Variants in TUSC3 observed in about 807,000 individuals in gnomAD.
TUSC3 encodes the protein dolichyl-diphosphooligosaccharide--protein glycosyltransferase subunit TUSC3.
TUSC3 carries 45 observed loss-of-function variants against 44.8 expected under a neutral mutation model. The observed-to-expected ratio is 1.00, with a 90% CI of 0.79 to 1.29. The LOEUF (loss-of-function observed/expected upper bound fraction) is 1.29, where lower values mean the gene tolerates loss of function less well. TUSC3 is among the 50% of genes most tolerant of loss of function. The pLI is 0.00. For synonymous variants in TUSC3, 212 were observed against 152.9 expected, an observed-to-expected ratio of 1.39 and a Z score of -2.85; for missense variants, 519 against 437.9, an observed-to-expected ratio of 1.19 and a Z score of -1.65.
chr8:15,458,310 C>T (rs915603655), intron 1 of TUSC3, among the ~76,000 whole-genome samples: 3 of 152,166 alleles, frequency 2.0e-5, no homozygotes, highest in African/African-American at 7.2e-5. Flanking sequence ...GTGCTCACAG[C>T]TCACTGCACC....
rs531912898 is a variant in TUSC3 at position 15,651,648 on chromosome 8, C to T, written c.426+834C>T. Among the ~76,000 whole-genome samples, 21 of 152,258 alleles carry T rather than the reference C, an allele frequency of 1.4e-4. No individual in the cohort carries two copies. The South Asian group carries it at 2.1e-3, about 15-fold the overall frequency. ...ACAGGCCAGGAAGAGGAGCCTCACC[C>T]GAAACCAACTCTGCCGGCACCTTCC... On this transcript the variant is annotated intron_variant, in intron 3 of 10. Coordinates refer to ENST00000503731, the MANE Select transcript of TUSC3 (RefSeq NM_006765.4).
chr8:15,797,680 C>G, the TUSC3 span, among the ~76,000 whole-genome samples: 1 of 152,174 alleles, frequency 6.6e-6, no homozygotes, highest in Non-Finnish European at 1.5e-5. Flanking sequence ...TCGGGGAGTA[C>G]AGCAACCATA....
intron 2 of TUSC3, among the ~76,000 whole-genome samples, chr8:15,506,813 A>C (rs550119426): frequency 1.3e-5 from 2 of 152,288 alleles, no homozygotes; most frequent in Non-Finnish European, 2.9e-5. Context: ...GTCAAACCAA[A>C]TCACAGCCAT....
At chr8:15,434,546 T>A (rs867927245) in intron 1 of TUSC3, among the ~76,000 whole-genome samples, 1,269 of 126,010 alleles carry the variant, frequency 0.01, 20 homozygotes, top group African/African-American at 0.032. Flanking sequence ...TTTTTTTTTT[T>A]ATACTTTAAG....
intron 2 of TUSC3, among the ~76,000 whole-genome samples, chr8:15,531,229 A>T (rs1801444561): frequency 6.6e-6 from 1 of 152,132 alleles, no homozygotes; most frequent in Non-Finnish European, 1.5e-5. Flanking sequence ...TCCCAGGTGT[A>T]CTTTCCTTTG....
intron 1 of TUSC3, among the ~76,000 whole-genome samples, chr8:15,549,855 G>A (rs571090925): frequency 6.6e-6 from 1 of 151,712 alleles, no homozygotes; most frequent in South Asian, 2.1e-4. Context: ...AGGACGAGCC[G>A]CAGACAAGAA....
At chr8:15,840,728 C>A in the TUSC3 span, among the ~76,000 whole-genome samples, 1 of 152,162 alleles carries the variant, frequency 6.6e-6, no homozygotes, top group South Asian at 2.1e-4. Context: ...AGAGAAAATT[C>A]CATTGTGCTT....
chr8:15,435,722 A>G (rs1585787912), intron 1 of TUSC3, among the ~76,000 whole-genome samples: 2 of 152,340 alleles, frequency 1.3e-5, no homozygotes, highest in Admixed American at 1.3e-4. Context: ...ATATAAAGTG[A>G]GAAATAAGGA....
intron 6 of TUSC3, among the ~76,000 whole-genome samples, chr8:15,709,097 G>C (rs1809731407): frequency 1.3e-5 from 2 of 151,870 alleles, no homozygotes; most frequent in Admixed American, 1.3e-4. Flanking sequence ...GTACAGGAAA[G>C]ATAGCCTGAC....
intron 6 of TUSC3, among the ~76,000 whole-genome samples, chr8:15,692,260 A>G (rs1321317114): frequency 6.6e-6 from 1 of 151,634 alleles, no homozygotes; most frequent in African/African-American, 2.4e-5. Flanking sequence ...CCATGTTCAT[A>G]AAAAAATATT....
intron 6 of TUSC3, among the ~76,000 whole-genome samples, chr8:15,674,621 A>C (rs1808101044): frequency 6.6e-6 from 1 of 151,836 alleles, no homozygotes; most frequent in Non-Finnish European, 1.5e-5. Context: ...CCACCTGCTA[A>C]TAATAAAATA....
intron 3 of TUSC3, among the ~76,000 whole-genome samples, chr8:15,659,273 T>G (rs1041823154): frequency 6.6e-6 from 1 of 152,094 alleles, no homozygotes; most frequent in African/African-American, 2.4e-5. Flanking sequence ...ACATAATGCA[T>G]AATTTGAATG....
At chr8:15,483,161 T>C (rs1208169385) in intron 1 of TUSC3, among the ~76,000 whole-genome samples, 4 of 152,214 alleles carry the variant, frequency 2.6e-5, no homozygotes, top group African/African-American at 9.6e-5. Flanking sequence ...CTCTTTTAAG[T>C]TAAATTCTAT....
chr8:15,770,204 A>C (rs1025214600), downstream of TUSC3, among the ~76,000 whole-genome samples: 1 of 152,326 alleles, frequency 6.6e-6, no homozygotes, highest in Middle Eastern at 3.4e-3. Context: ...AATGTGGCAC[A>C]TATGCACCAT....
At chr8:15,700,923 G>A (rs962300863) in intron 6 of TUSC3, among the ~76,000 whole-genome samples, 1 of 138,060 alleles carries the variant, frequency 7.2e-6, no homozygotes, top group Admixed American at 7.7e-5. Flanking sequence ...TCCAGTCCAG[G>A]ATATGTGAAG....
At chr8:15,706,555 A>G (rs1031839503) in intron 6 of TUSC3, among the ~76,000 whole-genome samples, 11 of 152,080 alleles carry the variant, frequency 7.2e-5, no homozygotes, top group African/African-American at 2.2e-4. Flanking sequence ...AAGTGTTAAT[A>G]GAAGAAGCTT....
intron 8 of TUSC3, among the ~76,000 whole-genome samples, chr8:15,746,827 A>G (rs1187099115): frequency 6.6e-6 from 1 of 152,054 alleles, no homozygotes; most frequent in East Asian, 1.9e-4. Flanking sequence ...TAATTTTGTA[A>G]TTAATTATAG....
At chr8:15,683,976 G>T (rs1808521940) in intron 6 of TUSC3, among the ~76,000 whole-genome samples, 1 of 152,060 alleles carries the variant, frequency 6.6e-6, no homozygotes, top group African/African-American at 2.4e-5. Flanking sequence ...AAGCAATGTG[G>T]TTTTGTTTGG....
At chr8:15,453,425 C>A (rs1488285162) in intron 1 of TUSC3, among the ~76,000 whole-genome samples, 1 of 152,134 alleles carries the variant, frequency 6.6e-6, no homozygotes, top group Non-Finnish European at 1.5e-5. Flanking sequence ...CTCCTAGCCC[C>A]TTTTCTTGTC....
Sources: gnomAD v4.1 joint callset for allele counts (sites outside exome capture counted in the v4.1 genomes callset) on GRCh38, gnomAD v4.1.1 for gene constraint, MANE v1.5 for transcripts, NCBI Gene and HGNC (gene_info 2026-07-23, HGNC 2026-07-21) for gene names.